ACE: variants seen among roughly 807,000 people sequenced by gnomAD.
The protein encoded by ACE is angiotensin I converting enzyme.
Under a neutral mutation model 162.3 loss-of-function variants are expected in ACE, and 122 were observed. The ratio of observed to expected loss-of-function variants is 0.75; its 90% CI spans 0.65 to 0.87. The LOEUF (loss-of-function observed/expected upper bound fraction) is 0.87, where lower values mean the gene tolerates loss of function less well. ACE is among the 40% of genes least tolerant of loss of function. The pLI is 0.00. For synonymous variants in ACE, 796 were observed against 720.6 expected (o/e 1.10, Z -1.68); for missense variants, 1,799 against 1,735.1 (o/e 1.04, Z -0.65).
chr17:63,484,777 A>G lies in ACE; in HGVS notation c.1921+236A>G. The G allele has an allele frequency of 6.8e-7, 1 of 1,477,858 alleles. No individual in the cohort carries two copies. Among genetic ancestry groups the G allele is most frequent in the South Asian group, 1.4e-5 (1 of 73,244 alleles). The allele number at this position is 1,477,858 out of a possible 1,614,324, so 91.5% of individuals were successfully genotyped here. On this transcript the variant is annotated intron_variant, in intron 12 of 24. Coordinates refer to ENST00000290866, the MANE Select transcript of ACE (RefSeq NM_000789.4). This position sits in a 1 kb window ranked among gnomAD's most constrained non-coding sequence, Gnocchi z 4.0. The stretch of plus-strand genomic sequence containing the variant: ...TGAGGGCCCCTCCCCTTCCAGAGGA[A>G]GCCAGACACAAGGCTCTGTGAGGTC...
In ACE at chr17:63,489,061, G is replaced by A. The variant is rs146089353; in HGVS notation, c.2570G>A (p.Arg857His). The A allele has an allele frequency of 9.0e-5, 145 of 1,613,834 alleles. No homozygotes were observed. The highest frequency in any genetic ancestry group is 1.2e-4 in the Non-Finnish European group (138 of 1,180,040). ...PLYLNLHAYVRRALHRHYGAQ... is the reference protein window; with the variant it reads ...PLYLNLHAYVHRALHRHYGAQ... ...TACCTCAACCTGCATGCCTACGTGCGCCGGGCCCTGCACCGTCACTACGGG... is the reference window on the plus strand; with the variant it reads ...TACCTCAACCTGCATGCCTACGTGCACCGGGCCCTGCACCGTCACTACGGG... The change falls in exon 17 of 25, where the codon CGC (arginine) becomes CAC (histidine). Residue 857 changes from arginine to histidine, a missense_variant. Coordinates refer to ENST00000290866, the MANE Select transcript of ACE (RefSeq NM_000789.4).
chr17:63,486,940 C>T (rs1378250509), intron 14 of ACE, 46 bp from the exon 15 acceptor site: 10 of 1,565,350 alleles, frequency 6.4e-6, no homozygotes, highest in Non-Finnish European at 8.8e-6. Context: ...CCCAGAGAGA[C>T]CAAGTGCAAA....
At position 63,497,294 on chromosome 17, in the gene ACE, C is replaced by T. The variant is rs2030822469; in HGVS notation, c.3849C>T (p.Ile1283=). 1.3e-6 allele frequency: 2 copies of T among 1,552,200 alleles called. No individual in the cohort carries two copies. The highest frequency in any genetic ancestry group is 1.7e-6 in the Non-Finnish European group (2 of 1,149,598). Residue 1283 remains isoleucine, a synonymous_variant, in exon 25 of 25, where the codon ATC becomes ATT. Transcript: ENST00000290866. ...TLGLSQRLFS[I]RHRSLHRHSH... ...GCCTCAGCCAGCGGCTCTTCAGCATCCGCCACCGCAGCCTCCACCGGCACT... is the reference window on the plus strand; with the variant it reads ...GCCTCAGCCAGCGGCTCTTCAGCATTCGCCACCGCAGCCTCCACCGGCACT...
Position 63,477,280 on chromosome 17 carries a change from C to T in ACE, c.186C>T (p.Phe62=), listed in dbSNP as rs771828535. 3 of 1,464,932 alleles carry T rather than the reference C, an allele frequency of 2.0e-6. No individual in the cohort carries two copies. Among genetic ancestry groups the T allele is most frequent in the South Asian group, 2.7e-5 (2 of 75,076 alleles). The allele number at this position is 1,464,932 out of a possible 1,614,324, so 90.7% of individuals were successfully genotyped here. Residue 62 remains phenylalanine, a synonymous_variant, in exon 1 of 25, where the codon TTC becomes TTT. Coordinates refer to ENST00000290866, the MANE Select transcript of ACE (RefSeq NM_000789.4). ...ACTCCAGCGCCGAACAGGTGCTGTT[C>T]CAGAGCGTGGCCGCCAGCTGGGCGC... The part of the protein sequence containing the change: ...SYNSSAEQVL[F]QSVAASWAHD...
At chr17:63,478,568 G>C (rs2049656617) in intron 2 of ACE, 1 of 319,204 alleles carries the variant, frequency 3.1e-6, no homozygotes, top group Non-Finnish European at 6.1e-6. Flanking sequence ...GAAACTGAGG[G>C]GGAAGGATCA....
At chr17:63,496,245 A>T in intron 22 of ACE, 149 bp from the exon 23 acceptor site, 1 of 1,194,180 alleles carries the variant, frequency 8.4e-7, no homozygotes, top group Non-Finnish European at 1.2e-6. Flanking sequence ...GCTCACCCTG[A>T]TAGCTGTGGG....
intron 13 of ACE, 72 bp from the exon 14 acceptor site, chr17:63,486,485 A>G (rs2029945429): frequency 4.4e-6 from 7 of 1,576,256 alleles, no homozygotes; most frequent in South Asian, 3.4e-5. Context: ...CTCAGCTCCC[A>G]CTTGGGGCCT....
intron 19 of ACE, among the ~76,000 whole-genome samples, chr17:63,493,160 A>C (rs1371321265): frequency 1.3e-5 from 2 of 152,250 alleles, no homozygotes; most frequent in Non-Finnish European, 2.9e-5. Flanking sequence ...CACTTTGTAC[A>C]GTCAGAAAGC....
At chr17:63,481,855 C>A in intron 7 of ACE, 117 bp downstream of exon 7, 1 of 1,354,400 alleles carries the variant, frequency 7.4e-7, no homozygotes, top group Non-Finnish European at 1.0e-6. Flanking sequence ...TACCCCAGCA[C>A]TGGTTGGAGG....
chr17:63,480,534 G>T lies in ACE; in HGVS notation c.847+6G>T. 1 of 1,613,566 alleles carries T rather than the reference G, an allele frequency of 6.2e-7. No individual in the cohort carries two copies. The highest frequency in any genetic ancestry group is 1.1e-5 in the South Asian group (1 of 91,080). ...CATCCCTGCTCATCTGCTGGGTAAGGACCTGGCCTCGCCTCCACATGAGTC... is the reference window on the plus strand; with the variant it reads ...CATCCCTGCTCATCTGCTGGGTAAGTACCTGGCCTCGCCTCCACATGAGTC... On this transcript the variant is annotated splice_donor_region_variant and intron_variant, in intron 5 of 24. Transcript: ENST00000290866.
chr17:63,484,641 C>T lies in ACE; in HGVS notation c.1921+100C>T, dbSNP rs2029863635. The T allele has an allele frequency of 1.4e-6, 2 of 1,473,280 alleles. No homozygotes were observed. The highest frequency in any genetic ancestry group is 9.0e-7 in the Non-Finnish European group (1 of 1,105,100). The allele number at this position is 1,473,280 out of a possible 1,614,324, so 91.3% of individuals were successfully genotyped here. A position where few individuals can be genotyped will look rare whatever the true frequency, so the allele number is the denominator to read the frequency against. On this transcript the variant is annotated intron_variant, in intron 12 of 24. Coordinates refer to ENST00000290866, the MANE Select transcript of ACE (RefSeq NM_000789.4). The surrounding 1 kb of genome is among the most constrained non-coding windows in gnomAD (Gnocchi z 4.0). ...CTGGTCAGCTCCTACCAGCTGAGCC[C>T]TGGTACCCTGTCCTGGAGGGCCAGG...
chr17:63,497,854 A>T lies in ACE; in HGVS notation c.*488A>T. 6.2e-6 allele frequency: 2 copies of T among 320,516 alleles called. No individual in the cohort carries two copies. The highest frequency in any genetic ancestry group is 4.6e-5 in the Admixed American group (1 of 21,810). 19.9% of individuals were successfully genotyped at this position (320,516 alleles called of 1,614,324 possible). A position where few individuals can be genotyped will look rare whatever the true frequency, so the allele number is the denominator to read the frequency against. ...CAGGCAGCCCCTGTCTGGCCCAAGCACTGACCCACGCGGACTCTGGGAAGC... is the reference window on the plus strand; with the variant it reads ...CAGGCAGCCCCTGTCTGGCCCAAGCTCTGACCCACGCGGACTCTGGGAAGC... On this transcript the variant is annotated 3_prime_UTR_variant, in exon 25 of 25. Transcript: ENST00000290866.
chr17:63,483,297 C>T, intron 9 of ACE, 124 bp downstream of exon 9: 1 of 1,547,586 alleles, frequency 6.5e-7, no homozygotes, highest in South Asian at 1.1e-5. Flanking sequence ...CGCTGTGACC[C>T]ACCGCCTTCT....
rs143279930 is a variant in ACE at position 63,486,186 on chromosome 17, C to T, written c.2059-371C>T. 1.4e-3 allele frequency: 466 copies of T among 339,722 alleles called. 3 individuals are homozygous for T. The highest frequency in any genetic ancestry group is 8.9e-3 in the African/African-American group (418 of 47,230). 21.0% of individuals were successfully genotyped at this position (339,722 alleles called of 1,614,324 possible). On this transcript the variant is annotated intron_variant, in intron 13 of 24. Coordinates refer to ENST00000290866, the MANE Select transcript of ACE (RefSeq NM_000789.4). ...TGTTGCCTCATCTTTTTCTCAACAG[C>T]CTTGCAAAATTGGTGAGCTTATTCC...
rs1403340480 is a variant in ACE at position 63,496,478 on chromosome 17, T to TA, written c.3465_3466insA (p.Asp1156ArgfsTer22). The TA allele has an allele frequency of 1.2e-6, 2 of 1,614,052 alleles. No homozygotes were observed. The highest frequency in any genetic ancestry group is 2.7e-5 in the African/African-American group (2 of 74,946). On this transcript the variant is annotated frameshift_variant, in exon 23 of 25. Coordinates refer to ENST00000290866, the MANE Select transcript of ACE (RefSeq NM_000789.4). LOFTEE classifies it high-confidence loss of function. ...GCCACACGGGCCCCCTGCACAAGTG[T>TA]GACATCTACCAGTCCAAGGAGGCCG... is the stretch of plus-strand genomic sequence containing the variant.
rs1162761079 is a variant in ACE, at chr17:63,484,815, C to T, written c.1921+274C>T. The T allele has an allele frequency of 7.2e-6, 11 of 1,517,578 alleles. No individual in the cohort carries two copies. The South Asian group carries it at 1.4e-4, about 19-fold the overall frequency. The allele number at this position is 1,517,578 out of a possible 1,614,324, so 94.0% of individuals were successfully genotyped here. ...GCTCTGTGAGGTCACACTGCGGGCT[C>T]CGCTCTTATTGGCCAGGGGACGGTA... is the stretch of plus-strand genomic sequence containing the variant. On this transcript the variant is annotated intron_variant, in intron 12 of 24. Transcript: ENST00000290866. The surrounding 1 kb of genome is among the most constrained non-coding windows in gnomAD (Gnocchi z 4.0).
At chr17:63,488,862 C>T in intron 16 of ACE, 71 bp downstream of exon 16, 2 of 1,613,822 alleles carry the variant, frequency 1.2e-6, no homozygotes, top group Non-Finnish European at 1.7e-6. Flanking sequence ...CTGTGAAACC[C>T]CAAGCCTAGG....
intron 22 of ACE, among the ~76,000 whole-genome samples, chr17:63,495,198 A>G (rs1392747566): frequency 6.6e-6 from 1 of 152,214 alleles, no homozygotes; most frequent in African/African-American, 2.4e-5. Context: ...TCACATGGCC[A>G]CAGATGAGTG....
chr17:63,497,157 C>A lies in ACE; in HGVS notation c.3712C>A (p.Pro1238Thr). 6.2e-7 allele frequency: 1 copy of A among 1,604,500 alleles called. No homozygotes were observed. Among genetic ancestry groups the A allele is most frequent in the Admixed American group, 1.7e-5 (1 of 59,820 alleles). ...PNSARSEGPL[P>T]DSGRVSFLGL... ...CTCAGCTCGCTCAGAAGGGCCCCTCCCAGACAGCGGCCGCGTCAGCTTCCT... is the reference window on the plus strand; with the variant it reads ...CTCAGCTCGCTCAGAAGGGCCCCTCACAGACAGCGGCCGCGTCAGCTTCCT... The change falls in exon 25 of 25, where the codon CCA becomes ACA. Residue 1238 changes from proline to threonine, a missense_variant. By Grantham distance (38) the Pro-to-Thr change is conservative (BLOSUM62 -1). Coordinates refer to ENST00000290866, the MANE Select transcript of ACE (RefSeq NM_000789.4).
Sources: gnomAD v4.1 joint callset for allele counts (sites outside exome capture counted in the v4.1 genomes callset) on GRCh38, gnomAD v4.1.1 for gene constraint, Gnocchi (gnomAD v3.1) non-coding constraint, MANE v1.5 for transcripts, NCBI Gene and HGNC (gene_info 2026-07-23, HGNC 2026-07-21) for gene names.